Variants in FMNL3 observed in about 807,000 individuals in gnomAD.
FMNL3 encodes the protein formin like 3.
A neutral mutation model predicts 119.6 loss-of-function variants in FMNL3; 57 were observed. The observed-to-expected ratio is 0.48, with a 90% confidence interval of 0.39 to 0.59. The LOEUF (loss-of-function observed/expected upper bound fraction) is 0.59, where lower values mean the gene tolerates loss of function less well. FMNL3 is among the 20% of genes least tolerant of loss of function. The probability of loss-of-function intolerance (pLI) is 0.00; values close to 1 mark genes in which losing one functional copy is unlikely to be tolerated. For synonymous variants in FMNL3, 491 were observed against 507.3 expected (o/e 0.97, Z 0.43); for missense variants, 1,053 against 1,323.5 (o/e 0.80, Z 3.17).
chr12:49,706,456 C>T (rs979183037), intron 1 of FMNL3, among the ~76,000 whole-genome samples: 8 of 152,370 alleles, frequency 5.3e-5, no homozygotes, highest in Middle Eastern at 3.4e-3. Flanking sequence ...TCCACTCTAA[C>T]TTAGCAGGAT....
chr12:49,657,314 T>A lies in FMNL3; in HGVS notation c.606-124A>T, dbSNP rs1447597358. The A allele has an allele frequency of 3.2e-5, 22 of 685,358 alleles. No homozygotes were observed. The Admixed American group carries it at 5.3e-4, about 17-fold the overall frequency. 42.5% of individuals were successfully genotyped at this position (685,358 alleles called of 1,614,324 possible). On this transcript the variant is annotated intron_variant, in intron 6 of 25. Coordinates refer to ENST00000335154, the MANE Select transcript of FMNL3 (RefSeq NM_175736.5). ...GTGGCAAAAAATAGGGAATAGCACC[T>A]CGTACCAACAGCCAAGAGGGACAGG...
At chr12:49,705,666 T>C (rs1260525869) in intron 1 of FMNL3, among the ~76,000 whole-genome samples, 2 of 152,162 alleles carry the variant, frequency 1.3e-5, no homozygotes, top group African/African-American at 2.4e-5. Context: ...TCACAGCACA[T>C]TGGTAATCAC....
In FMNL3 at chr12:49,707,187, G is replaced by A; in HGVS notation, c.-7C>T. 6.5e-7 allele frequency: 1 copy of A among 1,541,000 alleles called. No individual in the cohort carries two copies. On this transcript the variant is annotated 5_prime_UTR_variant, in exon 1 of 26. Transcript: ENST00000335154. Reference sequence around the variant, plus strand: ...CGCTCTCCAGGTTGCCCATCGCGGCGGGGCCCCCTCAGGGGCCTCGGCCCC... The same window carrying A: ...CGCTCTCCAGGTTGCCCATCGCGGCAGGGCCCCCTCAGGGGCCTCGGCCCC...
chr12:49,691,728 T>A (rs533022747), intron 1 of FMNL3, among the ~76,000 whole-genome samples: 1 of 152,012 alleles, frequency 6.6e-6, no homozygotes, highest in Non-Finnish European at 1.5e-5. Flanking sequence ...AGCCTTTTTT[T>A]TCCCCCCATT....
rs73112192 is a variant in FMNL3, at chr12:49,649,977, C to T, written c.2001-52G>A. The T allele has an allele frequency of 0.042, 63,129 of 1,501,744 alleles. 1,594 individuals carry two copies. Among genetic ancestry groups the T allele is most frequent in the Non-Finnish European group, 0.048 (52,619 of 1,099,232 alleles). The allele number at this position is 1,501,744 out of a possible 1,614,324, so 93.0% of individuals were successfully genotyped here. A position where few individuals can be genotyped will look rare whatever the true frequency, so the allele number is the denominator to read the frequency against. On this transcript the variant is annotated intron_variant, in intron 17 of 25. Transcript: ENST00000335154. The surrounding 1 kb of genome is among the most constrained non-coding windows in gnomAD (Gnocchi z 5.6). Reference sequence around the variant, plus strand: ...GTTCTCACATCTCTCCACGTTTTCCCTCATCCCTTTTATTCTCCAAGCTCC... The same window carrying T: ...GTTCTCACATCTCTCCACGTTTTCCTTCATCCCTTTTATTCTCCAAGCTCC...
At chr12:49,675,940 C>T (rs980155295) in intron 1 of FMNL3, among the ~76,000 whole-genome samples, 24 of 152,288 alleles carry the variant, frequency 1.6e-4, no homozygotes, top group African/African-American at 5.8e-4. Context: ...GAATCTCTCT[C>T]TCCTGGGACA....
rs1343018257 is a variant in FMNL3, at chr12:49,662,105, G to C, written c.369-56C>G. 1.2e-5 allele frequency: 18 copies of C among 1,537,828 alleles called. No individual in the cohort carries two copies. In the East Asian group the frequency reaches 3.4e-4, roughly 29 times the overall value. On this transcript the variant is annotated intron_variant, in intron 4 of 25. Transcript: ENST00000335154. Reference sequence around the variant, plus strand: ...TCTGCTAAAAGTGGGTCAAGGATGAGGGGGGTGACATGCCTCTGACCCAAC... The same window carrying C: ...TCTGCTAAAAGTGGGTCAAGGATGACGGGGGTGACATGCCTCTGACCCAAC...
At chr12:49,697,397 C>T (rs1384917994) in intron 1 of FMNL3, among the ~76,000 whole-genome samples, 1 of 152,164 alleles carries the variant, frequency 6.6e-6, no homozygotes, top group Non-Finnish European at 1.5e-5. Flanking sequence ...TCAATTGGTA[C>T]ACAGGACAAA....
rs1374713528 is a variant in FMNL3 at position 49,662,043 on chromosome 12, C to T, written c.375G>A (p.Val125=). The T allele has an allele frequency of 6.2e-7, 1 of 1,614,166 alleles. No homozygotes were observed. Among genetic ancestry groups the T allele is most frequent in the South Asian group, 1.1e-5 (1 of 91,086 alleles). Residue 125 remains valine (V), a synonymous_variant, in exon 5 of 26, where the codon GTG becomes GTA. Coordinates refer to ENST00000335154, the MANE Select transcript of FMNL3 (RefSeq NM_175736.5). ...TGTTTTCATCATTCAGAAATTCCCG[C>T]ACCCACCTGCAGATAAAGGAAACAC... is the stretch of plus-strand genomic sequence containing the variant. ...ISLRTNHIGW[V]REFLNDENKG... is the part of the protein sequence containing the mutation.
chr12:49,681,150 A>T (rs1944323264), intron 1 of FMNL3, among the ~76,000 whole-genome samples: 1 of 152,270 alleles, frequency 6.6e-6, no homozygotes, highest in Admixed American at 6.5e-5. Flanking sequence ...AGATGCAAGG[A>T]AACTTGTCCT....
intron 1 of FMNL3, among the ~76,000 whole-genome samples, chr12:49,697,783 T>C (rs1458213496): frequency 2.0e-5 from 3 of 152,112 alleles, no homozygotes; most frequent in Non-Finnish European, 2.9e-5. Flanking sequence ...GTAGGATAGG[T>C]ATTATCCTCA....
In FMNL3 at chr12:49,666,114, C is replaced by A; in HGVS notation, c.291+13G>T. 6.2e-7 allele frequency: 1 copy of A among 1,613,030 alleles called. No homozygotes were observed. The highest frequency in any genetic ancestry group is 8.5e-7 in the Non-Finnish European group (1 of 1,179,194). ...AGGGTGGCAAGACGGGGACTCTCTG[C>A]CTCATACTTCACCTTCCGAGTTACA... On this transcript the variant is annotated intron_variant, in intron 3 of 25. Coordinates refer to ENST00000335154, the MANE Select transcript of FMNL3 (RefSeq NM_175736.5).
At chr12:49,700,733 A>G (rs1463616335) in intron 1 of FMNL3, among the ~76,000 whole-genome samples, 1 of 150,672 alleles carries the variant, frequency 6.6e-6, no homozygotes, top group Non-Finnish European at 1.5e-5. Context: ...AAAAAAAAAA[A>G]AAGGCAACAT....
At chr12:49,667,574 T>C (rs1239533877) in intron 2 of FMNL3, among the ~76,000 whole-genome samples, 2 of 152,230 alleles carry the variant, frequency 1.3e-5, no homozygotes, top group Non-Finnish European at 2.9e-5. Flanking sequence ...CTTCATCACC[T>C]ACTAGCATTA....
Position 49,644,040 on chromosome 12 carries a change from G to C in FMNL3, c.*1775C>G. 6.2e-7 allele frequency: 1 copy of C among 1,614,152 alleles called. No individual in the cohort carries two copies. The highest frequency in any genetic ancestry group is 8.5e-7 in the Non-Finnish European group (1 of 1,179,992). On this transcript the variant is annotated 3_prime_UTR_variant, in exon 26 of 26. Transcript: ENST00000335154. ...GGGGCCCTAGGCCAGTCAGCACGCTGGTCAAGCTTCCACGGCCCTTAGTGC... is the reference window on the plus strand; with the variant it reads ...GGGGCCCTAGGCCAGTCAGCACGCTCGTCAAGCTTCCACGGCCCTTAGTGC...
rs773106486 is a variant in FMNL3 at position 49,643,563 on chromosome 12, A to G, written c.*2252T>C. 7.3e-7 allele frequency: 1 copy of G among 1,367,826 alleles called. No homozygotes were observed. The highest frequency in any genetic ancestry group is 9.9e-7 in the Non-Finnish European group (1 of 1,012,620). 84.7% of individuals were successfully genotyped at this position (1,367,826 alleles called of 1,614,324 possible). On this transcript the variant is annotated 3_prime_UTR_variant, in exon 26 of 26. Transcript: ENST00000335154. ...TGCCCAAGCAAGAAGCTGGAGAAGG[A>G]AAACTGGACTTAGACTTCCTCAGAG...
chr12:49,684,644 T>G (rs997034823), intron 1 of FMNL3, among the ~76,000 whole-genome samples: 3 of 151,716 alleles, frequency 2.0e-5, no homozygotes, highest in African/African-American at 7.3e-5. Flanking sequence ...GCACAAGAGA[T>G]TCTTAATTCT....
chr12:49,678,290 TG>T (rs1472654991), intron 1 of FMNL3, among the ~76,000 whole-genome samples: 2 of 152,060 alleles, frequency 1.3e-5, no homozygotes, highest in African/African-American at 4.8e-5. Flanking sequence ...CCCAGGGAGC[TG>T]GGACTACAGG....
intron 1 of FMNL3, among the ~76,000 whole-genome samples, chr12:49,698,506 G>C (rs1483502453): frequency 1.4e-5 from 2 of 143,796 alleles, no homozygotes; most frequent in African/African-American, 5.6e-5. Context: ...CAGGAGGGGA[G>C]ATACTGCTCC....
Sources: gnomAD v4.1 joint callset for allele counts (sites outside exome capture counted in the v4.1 genomes callset) on GRCh38, gnomAD v4.1.1 for gene constraint, Gnocchi (gnomAD v3.1) non-coding constraint, MANE v1.5 for transcripts, NCBI Gene and HGNC (gene_info 2026-07-23, HGNC 2026-07-21) for gene names.